Variants in SH2D1B observed in about 807,000 individuals in gnomAD.
SH2D1B encodes SH2 domain containing 1B.
A neutral mutation model predicts 16.3 loss-of-function variants in SH2D1B; 11 were observed. That is an observed-to-expected ratio of 0.67 (90% CI 0.42 to 1.11). SH2D1B has a LOEUF of 1.11. SH2D1B is among the 50% of genes most tolerant of loss of function. SH2D1B has a pLI of 0.00. For missense variants in SH2D1B, 123 were observed against 153.1 expected (o/e 0.80, Z 1.04); for synonymous variants, 55 against 56.1 (o/e 0.98, Z 0.09).
At position 162,402,622 on chromosome 1, in the gene SH2D1B, T is replaced by C. The variant is rs1199632719; in HGVS notation, c.198+117A>G. 20 of 815,766 alleles carry C rather than the reference T, an allele frequency of 2.5e-5. No individual in the cohort carries two copies. The South Asian group carries it at 2.7e-4, about 11-fold the overall frequency. The allele number at this position is 815,766 out of a possible 1,614,324, so 50.5% of individuals were successfully genotyped here. ...ACTCGATCTGACTCTCATCTCTGCA[T>C]TGTGCTTTCCTTTTTAGAATGCTTT... is the stretch of plus-strand genomic sequence containing the variant. On this transcript the variant is annotated intron_variant, in intron 2 of 3. Coordinates refer to ENST00000367929, the MANE Select transcript of SH2D1B (RefSeq NM_053282.5).
chr1:162,410,173 C>T (rs1289335605), intron 1 of SH2D1B, among the ~76,000 whole-genome samples: 3 of 152,168 alleles, frequency 2.0e-5, no homozygotes, highest in Non-Finnish European at 4.4e-5. Flanking sequence ...CCCCAGGCAA[C>T]ATCTGATCAC....
At chr1:162,405,502 A>G (rs1373377645) in intron 1 of SH2D1B, among the ~76,000 whole-genome samples, 1 of 152,236 alleles carries the variant, frequency 6.6e-6, no homozygotes, top group Non-Finnish European at 1.5e-5. Context: ...TATATAAACT[A>G]AATTTTAATT....
At chr1:162,402,516 T>TA (rs1014486426) in intron 2 of SH2D1B, 186 of 426,878 alleles carry the variant, frequency 4.4e-4, no homozygotes, top group East Asian at 7.8e-4. Context: ...AGACTCCGTC[T>TA]AAAAAAAACA....
intron 1 of SH2D1B, among the ~76,000 whole-genome samples, chr1:162,409,729 A>C (rs1648748329): frequency 1.3e-5 from 2 of 151,874 alleles, no homozygotes; most frequent in African/African-American, 4.8e-5. Flanking sequence ...AACTGCACCC[A>C]CCATGCCTGG....
intron 1 of SH2D1B, among the ~76,000 whole-genome samples, chr1:162,405,424 T>A: frequency 6.6e-6 from 1 of 152,248 alleles, no homozygotes; most frequent in East Asian, 1.9e-4. Context: ...ATGTCAGTGA[T>A]ACCTCAATAA....
chr1:162,398,764 C>G (rs1648436958), intron 3 of SH2D1B, among the ~76,000 whole-genome samples, 159 bp downstream of exon 3: 1 of 152,224 alleles, frequency 6.6e-6, no homozygotes, highest in Non-Finnish European at 1.5e-5. Context: ...GACTAAAAGA[C>G]AGCACTTCTC....
At chr1:162,407,184 G>T (rs942809131) in intron 1 of SH2D1B, among the ~76,000 whole-genome samples, 1 of 152,150 alleles carries the variant, frequency 6.6e-6, no homozygotes, top group Non-Finnish European at 1.5e-5. Flanking sequence ...TTTCAACGTA[G>T]GTTCTTTTCT....
intron 1 of SH2D1B, among the ~76,000 whole-genome samples, chr1:162,408,327 C>T (rs1648697547): frequency 6.6e-6 from 1 of 151,770 alleles, no homozygotes; most frequent in African/African-American, 2.4e-5. Context: ...TGGGTGAGAC[C>T]TGATCATGTG....
intron 1 of SH2D1B, among the ~76,000 whole-genome samples, chr1:162,408,098 T>C (rs1198989935): frequency 6.6e-6 from 1 of 152,220 alleles, no homozygotes; most frequent in Non-Finnish European, 1.5e-5. Context: ...CTCTGAGTTG[T>C]GTTGAAGGCA....
rs1481481053 is a variant in SH2D1B at position 162,402,766 on chromosome 1, T to A, written c.171A>T (p.Arg57Ser). ...KNIVYTYRIF[R>S]EKHGYYRIQT... ...GTATCCTGTAATACCCGTGTTTCTCTCTGAAGATTCGGTATGTGTAGACAA... is the reference window on the plus strand; with the variant it reads ...GTATCCTGTAATACCCGTGTTTCTCACTGAAGATTCGGTATGTGTAGACAA... Residue 57 changes from arginine (R) to serine (S), a missense_variant, in exon 2 of 4, where the codon AGA becomes AGT. Arg to Ser is a moderately radical substitution (Grantham distance 110, BLOSUM62 -1). Transcript: ENST00000367929. 1.5e-5 allele frequency: 25 copies of A among 1,614,048 alleles called. No homozygotes were observed. Among genetic ancestry groups the A allele is most frequent in the Non-Finnish European group, 2.1e-5 (25 of 1,179,900 alleles).
At chr1:162,409,750 T>A (rs1473063423) in intron 1 of SH2D1B, among the ~76,000 whole-genome samples, 2 of 151,166 alleles carry the variant, frequency 1.3e-5, no homozygotes, top group Non-Finnish European at 3.0e-5. Flanking sequence ...CTAATTTTTG[T>A]ATTTTTAGTA....
intron 3 of SH2D1B, among the ~76,000 whole-genome samples, 157 bp from the exon 4 acceptor site, chr1:162,397,472 G>A (rs1477108409): frequency 6.6e-6 from 1 of 152,126 alleles, no homozygotes; most frequent in Admixed American, 6.5e-5. Context: ...GGTACTACAG[G>A]GAGCCCTCCT....
intron 1 of SH2D1B, among the ~76,000 whole-genome samples, chr1:162,403,499 AAAAAAAAAAAAAATATATAT>A (rs1648572839): frequency 2.9e-5 from 1 of 34,202 alleles, no homozygotes; most frequent in Non-Finnish European, 6.8e-5. Flanking sequence ...AAAAAAAAAA[AAAAAAAAAAAAAATATATAT>A]ATATATATAT....
intron 1 of SH2D1B, among the ~76,000 whole-genome samples, chr1:162,408,541 T>A (rs1436043614): frequency 1.3e-5 from 2 of 151,384 alleles, no homozygotes; most frequent in African/African-American, 4.9e-5. Flanking sequence ...GCCTCCTGAG[T>A]AGCTGGGACT....
In SH2D1B at chr1:162,402,779, T is replaced by C. The variant is rs766885624; in HGVS notation, c.158A>G (p.Tyr53Cys). The change falls in exon 2 of 4, where the codon TAC (tyrosine) becomes TGC (cysteine). Residue 53 changes from tyrosine to cysteine, a missense_variant. Transcript: ENST00000367929. ...CCCGTGTTTCTCTCTGAAGATTCGG[T>C]ATGTGTAGACAATATTTTTAAACCT... ...CVSFKNIVYT[Y>C]RIFREKHGYY... 1 of 1,613,926 alleles carries C rather than the reference T, an allele frequency of 6.2e-7. No individual in the cohort carries two copies. The highest frequency in any genetic ancestry group is 1.3e-5 in the African/African-American group (1 of 74,940).
intron 2 of SH2D1B, among the ~76,000 whole-genome samples, chr1:162,401,510 T>C (rs1398186255): frequency 1.3e-5 from 2 of 152,204 alleles, no homozygotes; most frequent in African/African-American, 4.8e-5. Context: ...ATTGTGCATG[T>C]ATATATACAC....
rs1648351664 is a variant in SH2D1B, at chr1:162,395,455, T to TG, written c.*1824_*1825insC. ...AAACATAATGTTTAAATAAAGAAAA[T>TG]TTCTAAGCATTCCCTGTAATACTGG... On this transcript the variant is annotated 3_prime_UTR_variant, in exon 4 of 4. Transcript: ENST00000367929. 1.3e-5 allele frequency: 2 copies of TG among 152,096 alleles called. No individual in the cohort carries two copies. The highest frequency in any genetic ancestry group is 2.9e-5 in the Non-Finnish European group (2 of 68,014). 9.4% of individuals were successfully genotyped at this position (152,096 alleles called of 1,614,324 possible).
chr1:162,409,254 G>A lies in SH2D1B; in HGVS notation c.134+2629C>T, dbSNP rs544240939. 5.0e-4 allele frequency among the ~76,000 whole-genome samples: 76 copies of A among 151,958 alleles called. No homozygotes were observed. In the South Asian group the frequency reaches 0.012, roughly 25 times the overall value. Reference sequence around the variant, plus strand: ...CACAACTAGCTCTTCACCGTCTCCCGTCCAGAGACACAACAGTTTCTGTTG... The same window carrying A: ...CACAACTAGCTCTTCACCGTCTCCCATCCAGAGACACAACAGTTTCTGTTG... On this transcript the variant is annotated intron_variant, in intron 1 of 3. Coordinates refer to ENST00000367929, the MANE Select transcript of SH2D1B (RefSeq NM_053282.5).
intron 1 of SH2D1B, among the ~76,000 whole-genome samples, chr1:162,406,214 T>C (rs955366968): frequency 6.6e-6 from 1 of 152,202 alleles, no homozygotes; most frequent in African/African-American, 2.4e-5. Context: ...TAGGATTTTA[T>C]CCTAACTAGG....
Sources: allele counts gnomAD v4.1 joint callset (sites outside exome capture counted in the v4.1 genomes callset), GRCh38; gene constraint gnomAD v4.1.1; transcripts MANE v1.5; gene names NCBI Gene and HGNC (gene_info 2026-07-23, HGNC 2026-07-21).